The following COL15A1 variants were observed in gnomAD, a reference collection of about 807,000 sequenced individuals.
The protein encoded by COL15A1 is collagen alpha-1(XV) chain.
COL15A1 carries 111 observed loss-of-function variants against 165.9 expected under a neutral mutation model. The ratio of observed to expected loss-of-function variants is 0.67; its 90% confidence interval spans 0.57 to 0.78. The LOEUF is 0.78. Ranked by LOEUF, COL15A1 falls within the 30% of genes least tolerant of loss-of-function variation. The pLI, the probability that COL15A1 is intolerant of heterozygous loss-of-function variation, is 0.00. For missense variants in COL15A1, 1,745 were observed against 1,789.7 expected, an observed-to-expected ratio of 0.98 and a Z score of 0.45; for synonymous variants, 659 against 674.8, an observed-to-expected ratio of 0.98 and a Z score of 0.36.
At chr9:98,952,869 TG>T (rs1837714108) in intron 2 of COL15A1, among the ~76,000 whole-genome samples, 1 of 152,270 alleles carries the variant, frequency 6.6e-6, no homozygotes, top group South Asian at 2.1e-4. Context: ...TCTGTATTAC[TG>T]ATCACTTTCT....
Position 99,042,194 on chromosome 9 carries a change from C to G in COL15A1, c.2574+87C>G, listed in dbSNP as rs1321574659. 5.4e-6 allele frequency: 5 copies of G among 932,616 alleles called. No individual in the cohort carries two copies. The Admixed American group carries it at 9.0e-5, about 17-fold the overall frequency. The allele number at this position is 932,616 out of a possible 1,614,324, so 57.8% of individuals were successfully genotyped here. ...TGGCTGAAAATAGCTATTAACTTTT[C>G]TCTTCTTTGAGATACAATTCACATG... On this transcript the variant is annotated intron_variant, in intron 24 of 41. Coordinates refer to ENST00000375001, the MANE Select transcript of COL15A1 (RefSeq NM_001855.5).
intron 19 of COL15A1, 82 bp from the exon 20 acceptor site, chr9:99,036,088 T>G: frequency 2.6e-6 from 3 of 1,152,280 alleles, no homozygotes; most frequent in South Asian, 2.5e-5. Context: ...CATAAAAGCT[T>G]AGGGGGAGAT....
chr9:99,049,961 A>G (rs750823161), intron 30 of COL15A1, 66 bp downstream of exon 30: 2 of 1,605,126 alleles, frequency 1.2e-6, no homozygotes, highest in Non-Finnish European at 1.7e-6. Flanking sequence ...GAAAAAGATC[A>G]GTCTTTGTCT....
intron 11 of COL15A1, 36 bp from the exon 12 acceptor site, chr9:99,020,353 T>G: frequency 5.9e-6 from 9 of 1,527,488 alleles, no homozygotes; most frequent in Non-Finnish European, 8.2e-6. Flanking sequence ...CCCAAATATG[T>G]TGTGGCCACG....
chr9:99,005,133 C>T, intron 9 of COL15A1, 83 bp downstream of exon 9: 6 of 1,405,730 alleles, frequency 4.3e-6, no homozygotes, highest in Non-Finnish European at 5.7e-6. Flanking sequence ...TCCTGCTCAG[C>T]AAACCCATGG....
intron 2 of COL15A1, among the ~76,000 whole-genome samples, chr9:98,962,519 T>C (rs773023859): frequency 8.5e-5 from 13 of 152,200 alleles, no homozygotes; most frequent in Non-Finnish European, 1.5e-4. Context: ...TTTTATATTA[T>C]TAAAACAAAC....
chr9:98,961,701 G>T lies in COL15A1; in HGVS notation c.100+17451G>T, dbSNP rs745488134. 2.0e-5 allele frequency among the ~76,000 whole-genome samples: 3 copies of T among 152,216 alleles called. No individual in the cohort carries two copies. The East Asian group carries it at 5.8e-4, about 29-fold the overall frequency. Reference sequence around the variant, plus strand: ...CCTCGGTCAGTCCTGCAGCACTACCGCCCAGGGCCACCCGGGGTAAAGGCC... The same window carrying T: ...CCTCGGTCAGTCCTGCAGCACTACCTCCCAGGGCCACCCGGGGTAAAGGCC... On this transcript the variant is annotated intron_variant, in intron 2 of 41. Coordinates refer to ENST00000375001, the MANE Select transcript of COL15A1 (RefSeq NM_001855.5).
Position 99,034,586 on chromosome 9 carries a change from T to TAAA in COL15A1, c.2079+28_2079+30dup, listed in dbSNP as rs60290557. ...CCTAATGGCTCAGTTGGTGAAAAGG[T>TAAA]AAAAAAAAAAAAAAAAAAAAAAAAA... On this transcript the variant is annotated splice_region_variant and intron_variant, in intron 17 of 41. Transcript: ENST00000375001. 7.1e-4 allele frequency: 761 copies of TAAA among 1,074,488 alleles called. No individual in the cohort carries two copies. Among genetic ancestry groups the TAAA allele is most frequent in the Admixed American group, 1.9e-3 (36 of 18,800 alleles). 66.6% of individuals were successfully genotyped at this position (1,074,488 alleles called of 1,614,324 possible). A position where few individuals can be genotyped will look rare whatever the true frequency, so the allele number is the denominator to read the frequency against.
intron 36 of COL15A1, 141 bp from the exon 37 acceptor site, chr9:99,061,830 C>G: frequency 1.3e-6 from 1 of 794,584 alleles, no homozygotes; most frequent in Non-Finnish European, 2.0e-6. Flanking sequence ...AAGGTATATA[C>G]CTCTATCTGG....
intron 2 of COL15A1, among the ~76,000 whole-genome samples, chr9:98,945,502 A>G (rs1228770186): frequency 6.6e-6 from 1 of 150,906 alleles, no homozygotes; most frequent in East Asian, 1.9e-4. Context: ...GGGAACAGAA[A>G]GTCTAGGAAA....
intron 2 of COL15A1, among the ~76,000 whole-genome samples, chr9:98,962,349 C>A (rs936039849): frequency 8.5e-5 from 13 of 152,278 alleles, no homozygotes; most frequent in African/African-American, 3.1e-4. Context: ...CCAAGCCATT[C>A]CTTTGGAGAC....
At chr9:98,948,517 G>A (rs1238458731) in intron 2 of COL15A1, among the ~76,000 whole-genome samples, 2 of 148,162 alleles carry the variant, frequency 1.3e-5, no homozygotes, top group African/African-American at 2.5e-5. Flanking sequence ...AGAATAGCTT[G>A]AACCTGGGAG....
In COL15A1 at chr9:99,035,408, C is replaced by T. The variant is rs746015262; in HGVS notation, c.2279C>T (p.Thr760Met). Reference protein sequence around the residue: ...LLNEPKLSRPTAAIGLKGEKG... With the variant: ...LLNEPKLSRPMAAIGLKGEKG... ...AATGAACCCAAACTCTCCAGACCAA[C>T]GGCTGCAATTGTAGGTCGCCTCTGA... The change falls in exon 19 of 42, where the codon ACG becomes ATG. Residue 760 changes from threonine (T) to methionine (M), a missense_variant. Thr to Met is a moderately conservative substitution (Grantham distance 81, BLOSUM62 -1). Coordinates refer to ENST00000375001, the MANE Select transcript of COL15A1 (RefSeq NM_001855.5). 11 of 1,614,030 alleles carry T rather than the reference C, an allele frequency of 6.8e-6. No homozygotes were observed. Among genetic ancestry groups the T allele is most frequent in the African/African-American group, 2.7e-5 (2 of 74,918 alleles).
At chr9:99,038,341 TAAAATAA>T (rs1343533901) in intron 21 of COL15A1, among the ~76,000 whole-genome samples, 1 of 152,206 alleles carries the variant, frequency 6.6e-6, no homozygotes. Flanking sequence ...GCCATTTATG[TAAAATAA>T]CCACATGGAC....
intron 40 of COL15A1, 34 bp from the exon 41 acceptor site, chr9:99,068,521 A>T (rs901312200): frequency 2.4e-6 from 2 of 847,430 alleles, no homozygotes; most frequent in Non-Finnish European, 3.6e-6. Flanking sequence ...GGCTGATGGT[A>T]TAATGATTCT....
intron 39 of COL15A1, among the ~76,000 whole-genome samples, 186 bp downstream of exon 39, chr9:99,063,295 G>A (rs1357030670): frequency 6.6e-6 from 1 of 152,120 alleles, no homozygotes; most frequent in Non-Finnish European, 1.5e-5. Context: ...CAGGGTGCTG[G>A]GGGTATAAGG....
chr9:99,023,051 G>A (rs1464570141), intron 13 of COL15A1, among the ~76,000 whole-genome samples: 1 of 152,160 alleles, frequency 6.6e-6, no homozygotes, highest in Non-Finnish European at 1.5e-5. Flanking sequence ...ATTCTGCCTG[G>A]AAACGGGGTA....
intron 2 of COL15A1, among the ~76,000 whole-genome samples, chr9:98,971,231 A>G (rs956738099): frequency 1.3e-5 from 2 of 152,054 alleles, no homozygotes; most frequent in African/African-American, 4.8e-5. Flanking sequence ...TAGAGCATCC[A>G]TGTCCAGCAG....
intron 23 of COL15A1, chr9:99,040,779 A>G (rs1041501310): frequency 2.8e-6 from 2 of 722,516 alleles, no homozygotes; most frequent in Admixed American, 5.8e-5. Context: ...TCAGCCTCCC[A>G]AAGTGCTGGG....
Sources: allele counts gnomAD v4.1 joint callset (sites outside exome capture counted in the v4.1 genomes callset), GRCh38; gene constraint gnomAD v4.1.1; transcripts MANE v1.5; gene names NCBI Gene and HGNC (gene_info 2026-07-23, HGNC 2026-07-21).